Variants in MN1 observed in about 807,000 individuals in gnomAD.
MN1 encodes transcriptional activator MN1.
MN1 carries 19 observed loss-of-function variants against 86.9 expected under a neutral mutation model. The observed-to-expected ratio is 0.22, with a 90% CI of 0.15 to 0.32. The LOEUF (loss-of-function observed/expected upper bound fraction) is 0.32. MN1 is among the 10% of genes least tolerant of loss of function. The pLI, the probability that MN1 is intolerant of heterozygous loss-of-function variation, is 1.00. For missense variants in MN1, 1,841 were observed against 1,862.0 expected, an observed-to-expected ratio of 0.99 and a Z score of 0.21; for synonymous variants, 928 against 849.6, an observed-to-expected ratio of 1.09 and a Z score of -1.60.
chr22:27,795,522 G>T lies in MN1; in HGVS notation c.3781+1241C>A, dbSNP rs188654189. On this transcript the variant is annotated intron_variant, in intron 1 of 1. Transcript: ENST00000302326. Reference sequence around the variant, plus strand: ...GAGGGCAAGAATTGCACTGGGGGGGGACACATTTTCAAAAACAAGGTTAAA... The same window carrying T: ...GAGGGCAAGAATTGCACTGGGGGGGTACACATTTTCAAAAACAAGGTTAAA... Among the ~76,000 whole-genome samples the T allele has an allele frequency of 3.3e-5, 5 of 152,098 alleles. No individual in the cohort carries two copies. The East Asian group carries it at 9.7e-4, about 29-fold the overall frequency.
chr22:27,799,828 G>A lies in MN1; in HGVS notation c.716C>T (p.Ala239Val), dbSNP rs1394165384. The A allele has an allele frequency of 1.9e-6, 3 of 1,596,480 alleles. No homozygotes were observed. The highest frequency in any genetic ancestry group is 2.6e-6 in the Non-Finnish European group (3 of 1,170,560). The change falls in exon 1 of 2, where the codon GCG becomes GTG. Residue 239 changes from alanine (A) to valine (V), a missense_variant. Ala to Val is a moderately conservative substitution (Grantham distance 64, BLOSUM62 0). Transcript: ENST00000302326. ...DSLEYNYPGEAPSGHFDMFSP... is the reference protein window; with the variant it reads ...DSLEYNYPGEVPSGHFDMFSP... ...AAACATGTCAAAATGTCCCGAGGGC[G>A]CCTCGCCCGGGTAATTGTATTCCAG...
chr22:27,776,301 C>T (rs550307332), intron 1 of MN1, among the ~76,000 whole-genome samples: 2 of 152,098 alleles, frequency 1.3e-5, no homozygotes, highest in African/African-American at 2.4e-5. Flanking sequence ...CTCGAGGACG[C>T]GCTGTAGTTA....
intron 1 of MN1, among the ~76,000 whole-genome samples, chr22:27,765,037 A>G (rs1017946910): frequency 1.3e-5 from 2 of 152,216 alleles, no homozygotes; most frequent in Non-Finnish European, 2.9e-5. Context: ...GGTTAAACAA[A>G]TATCTGGGCA....
chr22:27,781,941 G>A (rs955846418), intron 1 of MN1, among the ~76,000 whole-genome samples: 3 of 152,102 alleles, frequency 2.0e-5, no homozygotes, highest in East Asian at 3.9e-4. Flanking sequence ...GTTGCCAGAC[G>A]CAGGGGTTTA....
At position 27,797,948 on chromosome 22, in the gene MN1, C is replaced by G; in HGVS notation, c.2596G>C (p.Asp866His). The change falls in exon 1 of 2, where the codon GAC becomes CAC. Residue 866 changes from aspartate (D) to histidine (H), a missense_variant. Transcript: ENST00000302326. ...GGGTTGCCGGCCACTGCCGCGCCGTCGGTCTCGTTCTGGCTCAGTTTCCTC... is the reference window on the plus strand; with the variant it reads ...GGGTTGCCGGCCACTGCCGCGCCGTGGGTCTCGTTCTGGCTCAGTTTCCTC... Reference protein sequence around the residue: ...GKRKLSQNETDGAAVAGNPGS... With the variant: ...GKRKLSQNETHGAAVAGNPGS... 5 of 1,593,238 alleles carry G rather than the reference C, an allele frequency of 3.1e-6. No individual in the cohort carries two copies. Among genetic ancestry groups the G allele is most frequent in the Non-Finnish European group, 4.3e-6 (5 of 1,169,160 alleles).
intron 1 of MN1, among the ~76,000 whole-genome samples, chr22:27,764,535 A>G (rs1270777564): frequency 1.3e-5 from 2 of 152,222 alleles, no homozygotes; most frequent in African/African-American, 4.8e-5. Flanking sequence ...TGCTCTGTGC[A>G]TTACATCACC....
At chr22:27,792,000 A>G (rs1017322339) in intron 1 of MN1, 3 of 152,490 alleles carry the variant, frequency 2.0e-5, no homozygotes, top group African/African-American at 7.2e-5. Flanking sequence ...TTAAAAATGT[A>G]TATTTTATAT....
Position 27,797,331 on chromosome 22 carries a change from T to C in MN1, c.3213A>G (p.Lys1071=). The C allele has an allele frequency of 6.2e-7, 1 of 1,605,562 alleles. No individual in the cohort carries two copies. Among genetic ancestry groups the C allele is most frequent in the Non-Finnish European group, 8.5e-7 (1 of 1,179,870 alleles). Residue 1071 remains lysine, a synonymous_variant, in exon 1 of 2, where the codon AAA becomes AAG. Transcript: ENST00000302326. ...SSSDNPQALV[K]ASRSPLVTGS... Reference sequence around the variant, plus strand: ...CGGTCACCAGGGGACTCCTGCTCGCTTTAACTAGTGCCTGGGGGTTGTCAG... The same window carrying C: ...CGGTCACCAGGGGACTCCTGCTCGCCTTAACTAGTGCCTGGGGGTTGTCAG...
In MN1 at chr22:27,759,689, C is replaced by A. The variant is rs187862334; in HGVS notation, c.3782-8593G>T. On this transcript the variant is annotated intron_variant, in intron 1 of 1. Coordinates refer to ENST00000302326, the MANE Select transcript of MN1 (RefSeq NM_002430.3). ...CCTGGAGACCCTAAGGGCAGACATG[C>A]CCATGTGGCTCCCACCTGCTTCCTA... Among the ~76,000 whole-genome samples, 55 of 152,332 alleles carry A rather than the reference C, an allele frequency of 3.6e-4. No individual in the cohort carries two copies. The East Asian group carries it at 9.7e-3, about 27-fold the overall frequency.
intron 1 of MN1, among the ~76,000 whole-genome samples, chr22:27,780,893 C>T (rs1158397277): frequency 6.6e-6 from 1 of 151,038 alleles, no homozygotes; most frequent in East Asian, 1.9e-4. Flanking sequence ...AATATGCCAG[C>T]CCTCTTGAAT....
chr22:27,765,982 G>A (rs1294937658), intron 1 of MN1, among the ~76,000 whole-genome samples: 12 of 152,258 alleles, frequency 7.9e-5, no homozygotes, highest in South Asian at 4.1e-4. Context: ...CTAGGGTCCC[G>A]GCAGATCCAG....
At position 27,797,551 on chromosome 22, in the gene MN1, G is replaced by C. The variant is rs1933323177; in HGVS notation, c.2993C>G (p.Pro998Arg). ...GSSAGETRGA[P>R]TPHEKALTSP... The stretch of plus-strand genomic sequence containing the variant: ...CGTGAGCGCCTTTTCGTGGGGCGTC[G>C]GTGCCCCGCGCGTCTCGCCTGCGGA... Residue 998 changes from proline (P) to arginine (R), a missense_variant, in exon 1 of 2, where the codon CCG becomes CGG. Transcript: ENST00000302326. 1.2e-6 allele frequency: 2 copies of C among 1,607,418 alleles called. No individual in the cohort carries two copies. Among genetic ancestry groups the C allele is most frequent in the South Asian group, 1.1e-5 (1 of 90,614 alleles).
chr22:27,765,617 A>C (rs1417845544), intron 1 of MN1, among the ~76,000 whole-genome samples: 1 of 152,236 alleles, frequency 6.6e-6, no homozygotes, highest in African/African-American at 2.4e-5. Context: ...GAAAGGACAG[A>C]CTGATGGGCA....
chr22:27,777,322 C>A (rs779792128), intron 1 of MN1, among the ~76,000 whole-genome samples: 4 of 152,024 alleles, frequency 2.6e-5, no homozygotes, highest in Non-Finnish European at 5.9e-5. Flanking sequence ...CGTTTGAGAC[C>A]AGGAGTTCAA....
In MN1 at chr22:27,800,083, T is replaced by A; in HGVS notation, c.461A>T (p.Glu154Val). The change falls in exon 1 of 2, where the codon GAG becomes GTG. Residue 154 changes from glutamate to valine, a missense_variant. Physicochemically the swap from Glu to Val is moderately radical, Grantham distance 121 (BLOSUM62 -2). Transcript: ENST00000302326. ...AGGCCCCTGGCTCTCCGCCATGTGC[T>A]CATAGCCCTCGGCGAAGGGCGGCTG... ...GSQPPFAEGYEHMAESQGPES... is the reference protein window; with the variant it reads ...GSQPPFAEGYVHMAESQGPES... The A allele has an allele frequency of 6.3e-7, 1 of 1,595,242 alleles. No individual in the cohort carries two copies. The highest frequency in any genetic ancestry group is 1.1e-5 in the South Asian group (1 of 90,228).
intron 1 of MN1, among the ~76,000 whole-genome samples, chr22:27,792,523 T>C (rs1321713342): frequency 6.6e-6 from 1 of 151,808 alleles, no homozygotes; most frequent in Non-Finnish European, 1.5e-5. Flanking sequence ...TGCAGATGTG[T>C]GTTAGGTTGG....
chr22:27,795,169 T>C (rs1933272546), intron 1 of MN1, among the ~76,000 whole-genome samples: 1 of 152,118 alleles, frequency 6.6e-6, no homozygotes, highest in Admixed American at 6.5e-5. Flanking sequence ...GCGTCTGCTG[T>C]GCATGCTAAA....
rs1200064624 is a variant in MN1, at chr22:27,800,833, G to C, written c.-290C>G. 3.9e-6 allele frequency: 2 copies of C among 517,502 alleles called. No homozygotes were observed. Among genetic ancestry groups the C allele is most frequent in the Non-Finnish European group, 3.4e-6 (1 of 291,464 alleles). The allele number at this position is 517,502 out of a possible 1,614,324, so 32.1% of individuals were successfully genotyped here. ...CATGCCCCGGGCGGTTGTCACAGCC[G>C]CGGGTGGGTCTGCGGGGAGGGGACG... is the stretch of plus-strand genomic sequence containing the variant. On this transcript the variant is annotated 5_prime_UTR_variant, in exon 1 of 2. Transcript: ENST00000302326.
intron 1 of MN1, among the ~76,000 whole-genome samples, chr22:27,751,316 T>C (rs45525036): frequency 0.027 from 4,157 of 152,210 alleles, 194 homozygotes; most frequent in African/African-American, 0.095. Context: ...GACCTCCCTG[T>C]TGGGCCTCAG....
Sources: allele counts gnomAD v4.1 joint callset (sites outside exome capture counted in the v4.1 genomes callset), GRCh38; gene constraint gnomAD v4.1.1; transcripts MANE v1.5; gene names NCBI Gene and HGNC (gene_info 2026-07-23, HGNC 2026-07-21).